The following PHLDB2 variants were observed in gnomAD, a reference collection of about 807,000 sequenced individuals.
PHLDB2 encodes pleckstrin homology like domain family B member 2.
In PHLDB2, 71 loss-of-function variants were observed where a neutral mutation model predicts 123.6. That is an observed-to-expected ratio of 0.57 (90% CI 0.47 to 0.70). PHLDB2 has a LOEUF of 0.70. PHLDB2 is among the 30% of genes least tolerant of loss of function. The pLI is 0.00. For missense variants in PHLDB2, 1,446 were observed against 1,519.5 expected, an observed-to-expected ratio of 0.95 and a Z score of 0.80; for synonymous variants, 547 against 541.6, an observed-to-expected ratio of 1.01 and a Z score of -0.14.
At chr3:111,779,741 C>A in intron 1 of PHLDB2, 1 of 537,772 alleles carries the variant, frequency 1.9e-6, no homozygotes. Flanking sequence ...TTAAGATGAA[C>A]ATACAGGTGC....
intron 2 of PHLDB2, among the ~76,000 whole-genome samples, chr3:111,890,089 C>T (rs907372558): frequency 1.3e-5 from 2 of 152,056 alleles, no homozygotes; most frequent in Admixed American, 6.6e-5. Flanking sequence ...AAATTATAAA[C>T]AACAACAACA....
chr3:111,907,636 C>T (rs1313863480), intron 2 of PHLDB2, among the ~76,000 whole-genome samples: 3 of 152,042 alleles, frequency 2.0e-5, no homozygotes, highest in Non-Finnish European at 4.4e-5. Context: ...GCTGGGACTA[C>T]AGGTGCCCAC....
chr3:111,819,853 A>G (rs949560862), intron 1 of PHLDB2, among the ~76,000 whole-genome samples: 5 of 152,232 alleles, frequency 3.3e-5, no homozygotes, highest in African/African-American at 1.2e-4. Flanking sequence ...TTAATTGTCA[A>G]GATGCATCCA....
intron 1 of PHLDB2, among the ~76,000 whole-genome samples, chr3:111,840,957 A>G (rs1395129354): frequency 1.3e-5 from 2 of 152,172 alleles, no homozygotes; most frequent in African/African-American, 4.8e-5. Flanking sequence ...GATAGTCCCC[A>G]ATACCATTTT....
intron 2 of PHLDB2, among the ~76,000 whole-genome samples, chr3:111,896,216 C>G (rs2943236): frequency 1 from 152,290 of 152,332 alleles, 76,124 homozygotes; most frequent in Non-Finnish European, 1. Context: ...GCCTCTGAAA[C>G]TATTGGGATT....
intron 5 of PHLDB2, among the ~76,000 whole-genome samples, chr3:111,925,782 T>A (rs1320107432): frequency 1.3e-5 from 2 of 152,254 alleles, no homozygotes; most frequent in Non-Finnish European, 2.9e-5. Flanking sequence ...GCTAAGAAGA[T>A]ACGGATGTGT....
chr3:111,818,377 TG>T (rs2062201432), intron 1 of PHLDB2, among the ~76,000 whole-genome samples: 1 of 152,190 alleles, frequency 6.6e-6, no homozygotes. Context: ...GTCACATTTT[TG>T]TTACTTACTT....
intron 12 of PHLDB2, among the ~76,000 whole-genome samples, chr3:111,955,981 G>A (rs1458254675): frequency 6.6e-6 from 1 of 152,144 alleles, no homozygotes; most frequent in Non-Finnish European, 1.5e-5. Context: ...AGGGAAGATT[G>A]CTTAAGAATT....
At chr3:111,910,671 G>A (rs2067834590) in intron 2 of PHLDB2, among the ~76,000 whole-genome samples, 1 of 152,150 alleles carries the variant, frequency 6.6e-6, no homozygotes, top group Non-Finnish European at 1.5e-5. Flanking sequence ...GCAGGCTATT[G>A]GCATGATGAA....
chr3:111,777,732 A>C (rs1430924901), intron 1 of PHLDB2, among the ~76,000 whole-genome samples: 1 of 152,146 alleles, frequency 6.6e-6, no homozygotes, highest in Non-Finnish European at 1.5e-5. Flanking sequence ...AATACAATAA[A>C]AAAGAATTAG....
chr3:111,899,854 C>T (rs11922755), intron 2 of PHLDB2, among the ~76,000 whole-genome samples: 1,671 of 152,306 alleles, frequency 0.011, 37 homozygotes, highest in African/African-American at 0.038. Context: ...GATCCTCTCG[C>T]CTAGGCCTCC....
intron 12 of PHLDB2, among the ~76,000 whole-genome samples, chr3:111,959,335 G>T (rs558591443): frequency 1.3e-5 from 2 of 152,232 alleles, no homozygotes; most frequent in Admixed American, 1.3e-4. Context: ...GTGACAGTGG[G>T]GTTCACTGAG....
intron 13 of PHLDB2, 93 bp from the exon 14 acceptor site, chr3:111,966,520 T>A: frequency 2.1e-6 from 1 of 477,544 alleles, no homozygotes; most frequent in Non-Finnish European, 3.5e-6. Flanking sequence ...TGTGTGTGTG[T>A]GTCTGGGGTG....
rs900796056 is a variant in PHLDB2 at position 111,758,041 on chromosome 3, A to G, written c.-49+25338A>G. 4.6e-5 allele frequency among the ~76,000 whole-genome samples: 7 copies of G among 152,258 alleles called. No homozygotes were observed. In the East Asian group the frequency reaches 5.8e-4, roughly 13 times the overall value. ...GGGGTGCCTCCCAGTTAGGCTGCTC[A>G]GGGGTCAGGGGCCAGGGACCCACTT... On this transcript the variant is annotated intron_variant, in intron 1 of 17. Transcript: ENST00000393923.
chr3:111,832,546 A>T (rs1051341196), intron 1 of PHLDB2, among the ~76,000 whole-genome samples: 3 of 148,356 alleles, frequency 2.0e-5, no homozygotes, highest in Admixed American at 6.9e-5. Flanking sequence ...GCTGTTAACA[A>T]AAATCATATG....
intron 5 of PHLDB2, among the ~76,000 whole-genome samples, chr3:111,931,100 A>G (rs1365876566): frequency 6.6e-6 from 1 of 152,230 alleles, no homozygotes; most frequent in Non-Finnish European, 1.5e-5. Context: ...GAAAATCCTT[A>G]AAAAGAGTCC....
At chr3:111,808,984 T>C (rs2061717088) in intron 1 of PHLDB2, among the ~76,000 whole-genome samples, 1 of 152,208 alleles carries the variant, frequency 6.6e-6, no homozygotes. Flanking sequence ...AATAATATCT[T>C]GGTCTTTGAC....
chr3:111,897,116 C>T, intron 2 of PHLDB2, among the ~76,000 whole-genome samples: 1 of 152,198 alleles, frequency 6.6e-6, no homozygotes, highest in Admixed American at 6.5e-5. Flanking sequence ...TCCTTAACCC[C>T]CATAACCACT....
intron 1 of PHLDB2, among the ~76,000 whole-genome samples, chr3:111,862,379 A>G (rs994316206): frequency 2.0e-5 from 3 of 152,174 alleles, no homozygotes; most frequent in Admixed American, 2.0e-4. Context: ...GATGTGCTTT[A>G]TCTTAAAGTC....
Sources: allele counts gnomAD v4.1 joint callset (sites outside exome capture counted in the v4.1 genomes callset), GRCh38; gene constraint gnomAD v4.1.1; transcripts MANE v1.5; gene names NCBI Gene and HGNC (gene_info 2026-07-23, HGNC 2026-07-21).